TAFA2: variants seen among roughly 807,000 people sequenced by gnomAD.
TAFA2 encodes the protein TAFA chemokine like family member 2, also known as chemokine-like protein TAFA-2.
A neutral mutation model predicts 18.8 loss-of-function variants in TAFA2; 7 were observed. The observed-to-expected ratio is 0.37, with a 90% CI of 0.21 to 0.70. TAFA2 has a LOEUF of 0.70. Ranked by LOEUF, TAFA2 falls within the 30% of genes least tolerant of loss-of-function variation. The pLI is 0.53. For missense variants in TAFA2, 122 were observed against 158.1 expected, an observed-to-expected ratio of 0.77 and a Z score of 1.23; for synonymous variants, 60 against 54.2, an observed-to-expected ratio of 1.11 and a Z score of -0.47.
In TAFA2 at chr12:62,104,966, A is replaced by G. The variant is rs1869381314; in HGVS notation, c.-2+86293T>C. ...CTGACAAAAAGTCTATTTAGTTTTCAAAAGGATTTACATACATTTCAAAGA... is the reference window on the plus strand; with the variant it reads ...CTGACAAAAAGTCTATTTAGTTTTCGAAAGGATTTACATACATTTCAAAGA... On this transcript the variant is annotated intron_variant, in intron 1 of 4. Transcript: ENST00000416284. The G allele has an allele frequency of 1.5e-5, 3 of 201,774 alleles. No homozygotes were observed. In the South Asian group the frequency reaches 1.9e-4, roughly 13 times the overall value. 12.5% of individuals were successfully genotyped at this position (201,774 alleles called of 1,614,324 possible). A position where few individuals can be genotyped will look rare whatever the true frequency, so the allele number is the denominator to read the frequency against.
At chr12:62,078,903 G>A (rs540560618) in intron 1 of TAFA2, among the ~76,000 whole-genome samples, 10 of 152,308 alleles carry the variant, frequency 6.6e-5, no homozygotes, top group African/African-American at 1.7e-4. Flanking sequence ...TGCCATGTGC[G>A]ACAGGAGGAA....
intron 2 of TAFA2, among the ~76,000 whole-genome samples, chr12:61,795,778 T>G (rs151056836): frequency 9.4e-4 from 139 of 147,122 alleles, no homozygotes; most frequent in Admixed American, 1.5e-3. Flanking sequence ...AATAAATAAA[T>G]AAAAAGAAAA....
chr12:62,164,349 T>C (rs2062425555), intron 1 of TAFA2, among the ~76,000 whole-genome samples: 1 of 152,148 alleles, frequency 6.6e-6, no homozygotes, highest in African/African-American at 2.4e-5. Context: ...ATCATAGTGC[T>C]GGAACTTGCA....
intron 1 of TAFA2, among the ~76,000 whole-genome samples, chr12:62,052,367 G>A (rs749760282): frequency 6.6e-6 from 1 of 151,884 alleles, no homozygotes; most frequent in African/African-American, 2.4e-5. Flanking sequence ...TAATTTTTTT[G>A]TTGTTGTACA....
At chr12:61,979,620 T>A (rs1879559294) in intron 1 of TAFA2, among the ~76,000 whole-genome samples, 1 of 151,426 alleles carries the variant, frequency 6.6e-6, no homozygotes, top group Admixed American at 6.6e-5. Context: ...TTGGATAAAG[T>A]ATCATCAGAA....
intron 2 of TAFA2, among the ~76,000 whole-genome samples, chr12:61,845,415 GT>G (rs997589638): frequency 6.6e-6 from 1 of 152,112 alleles, no homozygotes; most frequent in Non-Finnish European, 1.5e-5. Context: ...TCACCCCCAA[GT>G]TCTGGTCTCC....
chr12:62,031,075 G>T (rs902841875), intron 1 of TAFA2, among the ~76,000 whole-genome samples: 3 of 152,134 alleles, frequency 2.0e-5, no homozygotes, highest in African/African-American at 7.2e-5. Context: ...AAAGCTCCAT[G>T]GTAAAGGAGT....
chr12:61,971,243 C>G (rs901842365), intron 1 of TAFA2, among the ~76,000 whole-genome samples: 11 of 151,620 alleles, frequency 7.3e-5, no homozygotes, highest in African/African-American at 2.4e-4. Flanking sequence ...AGAAATAAGA[C>G]AGGCAGAGAG....
At position 61,949,051 on chromosome 12, in the gene TAFA2, T is replaced by C. The variant is rs899530023; in HGVS notation, c.-1-81625A>G. On this transcript the variant is annotated intron_variant, in intron 1 of 4. Transcript: ENST00000416284. ...GGCCATGGGGTGGCCAGATATTTGG[T>C]AAGGCATTACTCTGTGTGTAGTCTG... Among the ~76,000 whole-genome samples the C allele has an allele frequency of 2.9e-4, 44 of 152,180 alleles. 1 individual carries two copies. The highest frequency in any genetic ancestry group is 9.9e-4 in the African/African-American group (41 of 41,444).
At chr12:61,764,766 T>C (rs1198923258) in intron 2 of TAFA2, among the ~76,000 whole-genome samples, 1 of 152,138 alleles carries the variant, frequency 6.6e-6, no homozygotes, top group Admixed American at 6.6e-5. Flanking sequence ...TTAACTTCAT[T>C]TTAGTCCCTA....
intron 1 of TAFA2, among the ~76,000 whole-genome samples, chr12:62,202,601 C>T (rs541695313): frequency 3.2e-4 from 48 of 152,072 alleles, no homozygotes; most frequent in East Asian, 7.8e-4. Flanking sequence ...GGATTACAGG[C>T]GTGAGCCACT....
At position 61,710,292 on chromosome 12, in the gene TAFA2, G is replaced by A; in HGVS notation, c.*114C>T. 1 of 920,074 alleles carries A rather than the reference G, an allele frequency of 1.1e-6. No homozygotes were observed. The highest frequency in any genetic ancestry group is 1.4e-5 in the South Asian group (1 of 72,210). 57.0% of individuals were successfully genotyped at this position (920,074 alleles called of 1,614,324 possible). A position where few individuals can be genotyped will look rare whatever the true frequency, so the allele number is the denominator to read the frequency against. Reference sequence around the variant, plus strand: ...TGAAATCCCTTGGAAATAGACTATTGAGCGCCTCTTTCAAGTGGTATAAAA... The same window carrying A: ...TGAAATCCCTTGGAAATAGACTATTAAGCGCCTCTTTCAAGTGGTATAAAA... On this transcript the variant is annotated 3_prime_UTR_variant, in exon 5 of 5. Transcript: ENST00000416284.
chr12:62,041,618 G>C (rs1056184321), intron 1 of TAFA2, among the ~76,000 whole-genome samples: 2 of 152,048 alleles, frequency 1.3e-5, no homozygotes, highest in Admixed American at 6.6e-5. Context: ...AACTTTAACT[G>C]GTCATCTAGC....
At chr12:61,745,232 G>A (rs1243717756) in intron 4 of TAFA2, among the ~76,000 whole-genome samples, 1 of 152,058 alleles carries the variant, frequency 6.6e-6, no homozygotes, top group African/African-American at 2.4e-5. Flanking sequence ...TCTTCCCACA[G>A]TTCTCTCCAT....
chr12:61,864,270 G>A (rs1026782785), intron 2 of TAFA2, among the ~76,000 whole-genome samples: 2 of 151,444 alleles, frequency 1.3e-5, no homozygotes, highest in Non-Finnish European at 2.9e-5. Context: ...AAATTACCAT[G>A]AGTGAAAGTC....
chr12:62,135,250 A>G (rs535111664), intron 1 of TAFA2, among the ~76,000 whole-genome samples: 3 of 152,122 alleles, frequency 2.0e-5, no homozygotes, highest in South Asian at 2.1e-4. Context: ...ACAACATCCT[A>G]TTGCAAGAGA....
At chr12:62,132,722 T>C (rs1001708019) in intron 1 of TAFA2, among the ~76,000 whole-genome samples, 1 of 151,964 alleles carries the variant, frequency 6.6e-6, no homozygotes, top group African/African-American at 2.4e-5. Context: ...TAAGGCATGT[T>C]GCACAGATAA....
chr12:61,940,489 C>T (rs931856708), intron 1 of TAFA2, among the ~76,000 whole-genome samples: 1 of 152,168 alleles, frequency 6.6e-6, no homozygotes, highest in Non-Finnish European at 1.5e-5. Flanking sequence ...TGAAAACTGC[C>T]TAGAGGGAGA....
chr12:61,889,374 T>C (rs1393329741), intron 1 of TAFA2, among the ~76,000 whole-genome samples: 1 of 152,220 alleles, frequency 6.6e-6, no homozygotes, highest in Non-Finnish European at 1.5e-5. Context: ...TTGTTCCCTA[T>C]GGCTCAGTCT....
Sources: allele counts gnomAD v4.1 joint callset (sites outside exome capture counted in the v4.1 genomes callset), GRCh38; gene constraint gnomAD v4.1.1; transcripts MANE v1.5; gene names NCBI Gene and HGNC (gene_info 2026-07-23, HGNC 2026-07-21).